INTS2: variants seen among roughly 807,000 people sequenced by gnomAD.
The protein encoded by INTS2 is KIAA1287.
Under a neutral mutation model 139.6 loss-of-function variants are expected in INTS2, and 57 were observed. The ratio of observed to expected loss-of-function variants is 0.41; its 90% CI spans 0.33 to 0.51. The LOEUF is 0.51. Ranked by LOEUF, INTS2 falls within the 20% of genes least tolerant of loss-of-function variation. The pLI is 0.28. For missense variants in INTS2, 1,196 were observed against 1,436.7 expected (o/e 0.83, Z 2.71); for synonymous variants, 473 against 493.4 (o/e 0.96, Z 0.55).
Position 61,875,606 on chromosome 17 carries a change from C to T in INTS2, c.2457-568G>A, listed in dbSNP as rs971205365. Reference sequence around the variant, plus strand: ...CAAATACAGAAGGTACTTGATCTTACAGTGAAGCCCAGGAATCCACCAGAG... The same window carrying T: ...CAAATACAGAAGGTACTTGATCTTATAGTGAAGCCCAGGAATCCACCAGAG... On this transcript the variant is annotated intron_variant, in intron 18 of 24. Coordinates refer to ENST00000251334, the MANE Select transcript of INTS2 (RefSeq NM_001351695.2). This position sits in a 1 kb window ranked among gnomAD's most constrained non-coding sequence, Gnocchi z 4.6. 1.3e-5 allele frequency among the ~76,000 whole-genome samples: 2 copies of T among 152,080 alleles called. No homozygotes were observed. The highest frequency in any genetic ancestry group is 2.9e-5 in the Non-Finnish European group (2 of 68,022).
Position 61,872,619 on chromosome 17 carries a change from T to C in INTS2, c.2583-159A>G, listed in dbSNP as rs1603371965. 6.6e-6 allele frequency among the ~76,000 whole-genome samples: 1 copy of C among 152,212 alleles called. No individual in the cohort carries two copies. Among genetic ancestry groups the C allele is most frequent in the African/African-American group, 2.4e-5 (1 of 41,452 alleles). ...TTCATTCTCAAAAGTTTAATATATG[T>C]TTCTTATTCTCTGTATTTCAAGCCC... On this transcript the variant is annotated intron_variant, in intron 19 of 24. Coordinates refer to ENST00000251334, the MANE Select transcript of INTS2 (RefSeq NM_001351695.2). The surrounding 1 kb of genome is among the most constrained non-coding windows in gnomAD (Gnocchi z 4.8).
Position 61,912,881 on chromosome 17 carries a change from G to T in INTS2, c.650-811C>A, listed in dbSNP as rs575393495. ...TCACTAGGTTAAGAGCTCGAGACCAGCCTGGCCAATATGGTGAAACCCTGT... is the reference window on the plus strand; with the variant it reads ...TCACTAGGTTAAGAGCTCGAGACCATCCTGGCCAATATGGTGAAACCCTGT... On this transcript the variant is annotated intron_variant, in intron 5 of 24. Transcript: ENST00000251334. Among the ~76,000 whole-genome samples, 21 of 152,160 alleles carry T rather than the reference G, an allele frequency of 1.4e-4. No individual in the cohort carries two copies. The East Asian group carries it at 3.9e-3, about 28-fold the overall frequency.
rs1435945965 is a variant in INTS2 at position 61,866,504 on chromosome 17, T to TG, written c.*1052dup. The TG allele has an allele frequency of 1.3e-5, 2 of 152,168 alleles. No individual in the cohort carries two copies. Among genetic ancestry groups the TG allele is most frequent in the African/African-American group, 4.8e-5 (2 of 41,456 alleles). The allele number at this position is 152,168 out of a possible 1,614,324, so 9.4% of individuals were successfully genotyped here. On this transcript the variant is annotated 3_prime_UTR_variant, in exon 25 of 25. Coordinates refer to ENST00000251334, the MANE Select transcript of INTS2 (RefSeq NM_001351695.2). ...TTAATGATTAGGGTTTACCTGAATA[T>TG]GTCTGCCTAATCAATGGAAGTTACT...
At chr17:61,920,413 C>T (rs2079627737) in intron 4 of INTS2, among the ~76,000 whole-genome samples, 1 of 151,476 alleles carries the variant, frequency 6.6e-6, no homozygotes, top group South Asian at 2.1e-4. Flanking sequence ...AACTCCTGAC[C>T]TCAGGTGATC....
At chr17:61,900,788 T>C (rs1400861584) in intron 9 of INTS2, among the ~76,000 whole-genome samples, 2 of 150,884 alleles carry the variant, frequency 1.3e-5, no homozygotes, top group African/African-American at 4.9e-5. Context: ...AGAAACCCCA[T>C]CTCCACTAAA....
chr17:61,911,898 T>TA, intron 6 of INTS2, 42 bp downstream of exon 6: 1 of 1,585,870 alleles, frequency 6.3e-7, no homozygotes, highest in African/African-American at 1.4e-5. Context: ...TTCTTGGACC[T>TA]AATATAAAGG....
At chr17:61,878,219 T>C in intron 17 of INTS2, 131 bp from the exon 18 acceptor site, 1 of 622,830 alleles carries the variant, frequency 1.6e-6, no homozygotes, top group Non-Finnish European at 2.8e-6. Context: ...CTATAGTTAC[T>C]TGCTATTGTT....
At chr17:61,895,738 A>G (rs1325480615) in intron 11 of INTS2, among the ~76,000 whole-genome samples, 1 of 152,108 alleles carries the variant, frequency 6.6e-6, no homozygotes, top group Non-Finnish European at 1.5e-5. Flanking sequence ...ACACACAAAT[A>G]TATGTATATA....
intron 17 of INTS2, among the ~76,000 whole-genome samples, chr17:61,878,766 A>T (rs1163244415): frequency 1.3e-5 from 2 of 151,734 alleles, no homozygotes; most frequent in Non-Finnish European, 2.9e-5. Flanking sequence ...ACATGGCAAG[A>T]CCACATCTCT....
chr17:61,884,897 A>G lies in INTS2; in HGVS notation c.2089+4T>C, dbSNP rs2079211555. 1 of 1,577,960 alleles carries G rather than the reference A, an allele frequency of 6.3e-7. No individual in the cohort carries two copies. Among genetic ancestry groups the G allele is most frequent in the East Asian group, 2.2e-5 (1 of 44,510 alleles). On this transcript the variant is annotated splice_donor_region_variant and intron_variant, in intron 16 of 24. Transcript: ENST00000251334. ...TTAGCAGTAAAAAGCAAAATAAAAC[A>G]TACCTCCCAACTCCTGCTGCAGCCC...
At chr17:61,912,574 A>T (rs1382316049) in intron 5 of INTS2, among the ~76,000 whole-genome samples, 1 of 152,044 alleles carries the variant, frequency 6.6e-6, no homozygotes, top group Admixed American at 6.6e-5. Flanking sequence ...GTGAGCCAAG[A>T]TCGCATCATT....
intron 7 of INTS2, among the ~76,000 whole-genome samples, chr17:61,907,945 G>A (rs990600740): frequency 6.6e-6 from 1 of 152,190 alleles, no homozygotes; most frequent in Non-Finnish European, 1.5e-5. Flanking sequence ...TGTGGTATAG[G>A]AGAAAATGCT....
chr17:61,895,236 A>C lies in INTS2; in HGVS notation c.1563+79T>G, dbSNP rs1436946984. 4.2e-6 allele frequency: 3 copies of C among 718,264 alleles called. No homozygotes were observed. In the Admixed American group the frequency reaches 1.0e-4, roughly 25 times the overall value. The allele number at this position is 718,264 out of a possible 1,614,324, so 44.5% of individuals were successfully genotyped here. ...AGAAAAAAGACCATATTATTTTCTT[A>C]AGGTAAGACACACAAGTTTTCTCCC... is the stretch of plus-strand genomic sequence containing the variant. On this transcript the variant is annotated intron_variant, in intron 12 of 24. Coordinates refer to ENST00000251334, the MANE Select transcript of INTS2 (RefSeq NM_001351695.2).
intron 7 of INTS2, chr17:61,910,538 G>A (rs2079515801): frequency 6.7e-6 from 1 of 150,226 alleles, no homozygotes; most frequent in African/African-American, 2.5e-5. Flanking sequence ...CTTGCAGTGA[G>A]CCGAGATTGC....
chr17:61,913,578 A>C (rs1288430597), intron 5 of INTS2, among the ~76,000 whole-genome samples: 2 of 152,314 alleles, frequency 1.3e-5, no homozygotes, highest in Middle Eastern at 3.4e-3. Context: ...GGCCTCCCAA[A>C]GTGCTGGGAT....
Position 61,897,734 on chromosome 17 carries a change from G to A in INTS2, c.1313C>T (p.Pro438Leu). 6.2e-7 allele frequency: 1 copy of A among 1,600,782 alleles called. No individual in the cohort carries two copies. Among genetic ancestry groups the A allele is most frequent in the Non-Finnish European group, 8.5e-7 (1 of 1,171,518 alleles). ...LLAFSTLVST[P>L]EQEQLMVVWL... Reference sequence around the variant, plus strand: ...CACCACCATCAGCTGCTCCTGTTCAGGTGTACTATATAAAATATACCAGAA... The same window carrying A: ...CACCACCATCAGCTGCTCCTGTTCAAGTGTACTATATAAAATATACCAGAA... The change falls in exon 10 of 25, where the codon CCT (proline) becomes CTT (leucine). Residue 438 changes from proline to leucine, a missense_variant. By Grantham distance (98) the Pro-to-Leu change is moderately conservative. Around this residue, in one of 3 missense-constraint regions of INTS2, gnomAD observed 1,129 missense variants for 1,341.9 expected, o/e 0.84. Coordinates refer to ENST00000251334, the MANE Select transcript of INTS2 (RefSeq NM_001351695.2). This position sits in a 1 kb window ranked among gnomAD's most constrained non-coding sequence, Gnocchi z 4.4.
At chr17:61,923,273 C>G (rs573309713) in intron 3 of INTS2, among the ~76,000 whole-genome samples, 93 of 151,130 alleles carry the variant, frequency 6.2e-4, no homozygotes, top group African/African-American at 1.8e-3. Flanking sequence ...ATCAGGAGAT[C>G]GAGACCATCC....
intron 14 of INTS2, among the ~76,000 whole-genome samples, chr17:61,890,778 T>A (rs77077438): frequency 1.4e-5 from 2 of 145,996 alleles, no homozygotes; most frequent in African/African-American, 5.1e-5. Flanking sequence ...AAAAAAAAAT[T>A]ACTGGCCAGG....
Position 61,918,994 on chromosome 17 carries a change from G to A in INTS2, c.649+406C>T, listed in dbSNP as rs146580870. ...GGCCGGAGTGCAGTGGTGCGATCTC[G>A]ACTCACTGCAACCTCCACCTCCCAG... is the stretch of plus-strand genomic sequence containing the variant. On this transcript the variant is annotated intron_variant, in intron 5 of 24. Transcript: ENST00000251334. Among the ~76,000 whole-genome samples the A allele has an allele frequency of 3.5e-3, 507 of 146,252 alleles. 2 individuals carry two copies. Among genetic ancestry groups the A allele is most frequent in the African/African-American group, 0.011 (452 of 39,546 alleles).
Sources: gnomAD v4.1 joint callset for allele counts (sites outside exome capture counted in the v4.1 genomes callset) on GRCh38, gnomAD v4.1.1 for gene constraint, gnomAD v4.1.1 regional missense constraint, Gnocchi (gnomAD v3.1) non-coding constraint, MANE v1.5 for transcripts, NCBI Gene and HGNC (gene_info 2026-07-23, HGNC 2026-07-21) for gene names.